The following DPF2 variants were observed in gnomAD, a reference collection of about 807,000 sequenced individuals.
DPF2 encodes the protein double PHD fingers 2, also known as zinc finger protein ubi-d4.
A neutral mutation model predicts 59.6 loss-of-function variants in DPF2; 10 were observed. The ratio of observed to expected loss-of-function variants is 0.17; its 90% CI spans 0.10 to 0.28. The LOEUF is 0.28. Ranked by LOEUF, DPF2 falls within the 10% of genes least tolerant of loss-of-function variation. The pLI is 1.00. For missense variants in DPF2, 315 were observed against 509.4 expected (o/e 0.62, Z 3.67); for synonymous variants, 189 against 190.6 (o/e 0.99, Z 0.07).
rs1407704053 is a variant in DPF2, at chr11:65,342,754, T to C, written c.466-991T>C. Reference sequence around the variant, plus strand: ...TGGGTCGGGCACGGTAGCTCACGCCTGTAATCCCAGCACTTTGGGAGGCCG... The same window carrying C: ...TGGGTCGGGCACGGTAGCTCACGCCCGTAATCCCAGCACTTTGGGAGGCCG... On this transcript the variant is annotated intron_variant, in intron 4 of 10. Transcript: ENST00000528416. Among the ~76,000 whole-genome samples, 3 of 152,050 alleles carry C rather than the reference T, an allele frequency of 2.0e-5. No individual in the cohort carries two copies. The East Asian group carries it at 5.8e-4, about 29-fold the overall frequency.
At chr11:65,341,117 G>T in intron 3 of DPF2, 44 bp downstream of exon 3, 2 of 1,584,462 alleles carry the variant, frequency 1.3e-6, no homozygotes. Context: ...CTGCTGCATG[G>T]TGAGAGCCTG....
intron 10 of DPF2, 149 bp downstream of exon 10, chr11:65,349,080 T>C: frequency 1.3e-6 from 1 of 788,184 alleles, no homozygotes; most frequent in South Asian, 1.8e-5. Context: ...AATGCCTTCC[T>C]AACATTTCAA....
At chr11:65,336,785 CAAAAAAAA>C (rs751170058) in intron 1 of DPF2, among the ~76,000 whole-genome samples, 6 of 65,882 alleles carry the variant, frequency 9.1e-5, no homozygotes, top group Non-Finnish European at 8.9e-5. Flanking sequence ...GACTCCATCT[CAAAAAAAA>C]AAAAAAAAAA....
Position 65,333,867 on chromosome 11 carries a change from G to A in DPF2, c.-20G>A, listed in dbSNP as rs1395244870. 1.9e-6 allele frequency: 3 copies of A among 1,613,696 alleles called. No individual in the cohort carries two copies. The highest frequency in any genetic ancestry group is 1.3e-5 in the African/African-American group (1 of 74,942). ...TGCGGACTGTGGGGCTTCTCGGCCC[G>A]AGGCAGAGGAACAGGGAAGATGGCG... is the stretch of plus-strand genomic sequence containing the variant. On this transcript the variant is annotated 5_prime_UTR_variant, in exon 1 of 11. Coordinates refer to ENST00000528416, the MANE Select transcript of DPF2 (RefSeq NM_006268.5).
At chr11:65,341,714 C>G in intron 4 of DPF2, 152 bp downstream of exon 4, 1 of 1,027,168 alleles carries the variant, frequency 9.7e-7, no homozygotes, top group Non-Finnish European at 1.4e-6. Context: ...TGATTATTGT[C>G]AGGTACTGAC....
chr11:65,345,485 C>A, intron 6 of DPF2, 181 bp from the exon 7 acceptor site: 2 of 782,938 alleles, frequency 2.6e-6, no homozygotes, highest in Non-Finnish European at 2.0e-6. Context: ...TAGAGAGCCC[C>A]ACGGCCTGAT....
chr11:65,342,634 G>A (rs1208160935), intron 4 of DPF2, among the ~76,000 whole-genome samples: 1 of 152,130 alleles, frequency 6.6e-6, no homozygotes, highest in Non-Finnish European at 1.5e-5. Flanking sequence ...GCCTTTTCAT[G>A]CCCTTTCTCC....
intron 10 of DPF2, among the ~76,000 whole-genome samples, chr11:65,349,819 CAG>C (rs957423587): frequency 5.3e-5 from 8 of 149,546 alleles, no homozygotes; most frequent in Non-Finnish European, 1.0e-4. Context: ...AAAAAGCCAA[CAG>C]AAATTCAGTA....
chr11:65,353,107 ATTT>A lies in DPF2; in HGVS notation c.*1353_*1355del, dbSNP rs576548955. On this transcript the variant is annotated 3_prime_UTR_variant, in exon 11 of 11. Transcript: ENST00000528416. ...ACAGCTTTTTTCCCCCCAAATTAAA[ATTT>A]TTTTGTGGAACCCCAATATGTAAAG... is the stretch of plus-strand genomic sequence containing the variant. The A allele has an allele frequency of 6.6e-6, 1 of 151,140 alleles. No individual in the cohort carries two copies. Among genetic ancestry groups the A allele is most frequent in the African/African-American group, 2.4e-5 (1 of 41,082 alleles). 9.4% of individuals were successfully genotyped at this position (151,140 alleles called of 1,614,324 possible). A position where few individuals can be genotyped will look rare whatever the true frequency, so the allele number is the denominator to read the frequency against.
intron 1 of DPF2, among the ~76,000 whole-genome samples, chr11:65,339,291 A>G (rs1226546513): frequency 1.3e-5 from 2 of 152,024 alleles, no homozygotes; most frequent in African/African-American, 2.4e-5. Flanking sequence ...GAGTTTGTTA[A>G]CCTCCATTAC....
rs761898514 is a variant in DPF2, at chr11:65,341,054, C to G, written c.282C>G (p.Ser94=). Residue 94 remains serine (S), a synonymous_variant, in exon 3 of 11, where the codon TCC becomes TCG. Coordinates refer to ENST00000528416, the MANE Select transcript of DPF2 (RefSeq NM_006268.5). ...ATCCCCCTGAGGATCCACGACTTTC[C>G]TTCCCATCTATTAAGCCAGGTAAGG... The part of the protein sequence containing the change: ...RAHPPEDPRL[S]FPSIKPDTDQ... The G allele has an allele frequency of 1.2e-6, 2 of 1,614,124 alleles. No individual in the cohort carries two copies. The highest frequency in any genetic ancestry group is 8.5e-7 in the Non-Finnish European group (1 of 1,180,044).
chr11:65,335,070 T>C (rs1371213627), intron 1 of DPF2, among the ~76,000 whole-genome samples: 2 of 91,000 alleles, frequency 2.2e-5, no homozygotes, highest in Non-Finnish European at 4.1e-5. Flanking sequence ...TTTCCTCCTC[T>C]TGTGGTTTGT....
chr11:65,352,798 C>T lies in DPF2; in HGVS notation c.*1039C>T, dbSNP rs1737376490. 6.6e-6 allele frequency: 1 copy of T among 152,598 alleles called. No homozygotes were observed. The highest frequency in any genetic ancestry group is 1.5e-5 in the Non-Finnish European group (1 of 68,060). The allele number at this position is 152,598 out of a possible 1,614,324, so 9.5% of individuals were successfully genotyped here. ...ACACCCTGATTCCTCAAGTTTTCTG[C>T]TTAGTGGCACTGACATTAAGTAGTG... On this transcript the variant is annotated 3_prime_UTR_variant, in exon 11 of 11. Coordinates refer to ENST00000528416, the MANE Select transcript of DPF2 (RefSeq NM_006268.5).
rs535027753 is a variant in DPF2 at position 65,337,368 on chromosome 11, C to G, written c.33-3017C>G. Among the ~76,000 whole-genome samples, 23 of 139,452 alleles carry G rather than the reference C, an allele frequency of 1.6e-4. No individual in the cohort carries two copies. The South Asian group carries it at 4.6e-3, about 28-fold the overall frequency. 91.5% of individuals were successfully genotyped at this position (139,452 alleles called of 152,430 possible). On this transcript the variant is annotated intron_variant, in intron 1 of 10. Transcript: ENST00000528416. ...AAGAGAATCGTTGGAACCCGGGAGG[C>G]AGAAGCTGCAGTAGGCAGAAGCTGC...
intron 10 of DPF2, among the ~76,000 whole-genome samples, chr11:65,350,751 T>G (rs552754516): frequency 3.3e-5 from 5 of 151,436 alleles, no homozygotes; most frequent in Non-Finnish European, 5.9e-5. Context: ...TCCCAGCACT[T>G]TGGGATCTCT....
rs749275482 is a variant in DPF2 at position 65,345,949 on chromosome 11, A to G, written c.795A>G (p.Gly265=). ...EEQKSKKGPD[G]LALPNNYCDF... ...CTGTAGCCAAAAAGGGTCCTGATGGATTGGCCTTGCCCAACAACTACTGTG... is the reference window on the plus strand; with the variant it reads ...CTGTAGCCAAAAAGGGTCCTGATGGGTTGGCCTTGCCCAACAACTACTGTG... Residue 265 remains glycine, a synonymous_variant, in exon 8 of 11, where the codon GGA becomes GGG. Coordinates refer to ENST00000528416, the MANE Select transcript of DPF2 (RefSeq NM_006268.5). The G allele has an allele frequency of 7.4e-6, 12 of 1,614,142 alleles. No individual in the cohort carries two copies. The highest frequency in any genetic ancestry group is 1.0e-5 in the Non-Finnish European group (12 of 1,180,030).
In DPF2 at chr11:65,351,808, C is replaced by T. The variant is rs1447098840; in HGVS notation, c.*49C>T. The T allele has an allele frequency of 1.5e-5, 23 of 1,566,088 alleles. No individual in the cohort carries two copies. The highest frequency in any genetic ancestry group is 2.2e-4 in the Middle Eastern group (1 of 4,452). On this transcript the variant is annotated 3_prime_UTR_variant, in exon 11 of 11. Transcript: ENST00000528416. ...ACATATCTAAGGCTGTTTCTCTCCT[C>T]CACTTCATATTTCATACCCATCTTT...
chr11:65,349,071 A>G, intron 10 of DPF2, 140 bp downstream of exon 10: 1 of 845,064 alleles, frequency 1.2e-6, no homozygotes, highest in Non-Finnish European at 1.9e-6. Context: ...TCAGTTTAGA[A>G]TGCCTTCCTA....
At chr11:65,340,338 A>C in intron 1 of DPF2, 47 bp from the exon 2 acceptor site, 1 of 1,601,716 alleles carries the variant, frequency 6.2e-7, no homozygotes, top group Non-Finnish European at 8.5e-7. Flanking sequence ...TCAGCACCCT[A>C]TGCCCCCCGC....
Sources: allele counts gnomAD v4.1 joint callset (sites outside exome capture counted in the v4.1 genomes callset), GRCh38; gene constraint gnomAD v4.1.1; transcripts MANE v1.5; gene names NCBI Gene and HGNC (gene_info 2026-07-23, HGNC 2026-07-21).